The following KDM4B variants were observed in gnomAD, a reference collection of about 807,000 sequenced individuals.
KDM4B encodes lysine demethylase 4B.
In KDM4B, 32 loss-of-function variants were observed where a neutral mutation model predicts 125.2. The observed-to-expected ratio is 0.26, with a 90% confidence interval of 0.19 to 0.34. The LOEUF (loss-of-function observed/expected upper bound fraction) is 0.34, where lower values mean the gene tolerates loss of function less well. Ranked by LOEUF, KDM4B falls within the 10% of genes least tolerant of loss-of-function variation. The pLI is 1.00. For synonymous variants in KDM4B, 721 were observed against 677.9 expected (o/e 1.06, Z -0.99); for missense variants, 1,190 against 1,577.7 (o/e 0.75, Z 4.16).
At chr19:5,030,465 G>C (rs1453695820) in intron 2 of KDM4B, among the ~76,000 whole-genome samples, 5 of 152,208 alleles carry the variant, frequency 3.3e-5, no homozygotes, top group African/African-American at 1.2e-4. Flanking sequence ...AGCCTGCAGA[G>C]GGGGGTGGGC....
In KDM4B at chr19:5,017,627, T is replaced by G. The variant is rs147288619; in HGVS notation, c.-26+1288T>G. Among the ~76,000 whole-genome samples, 1,016 of 152,350 alleles carry G rather than the reference T, an allele frequency of 6.7e-3. 10 individuals carry two copies. The highest frequency in any genetic ancestry group is 0.023 in the African/African-American group (975 of 41,572). ...TTGCTTTTACCCTTCAAGTTTGTGC[T>G]TCCTTACAAGATGGTCAATTTTCTA... On this transcript the variant is annotated intron_variant, in intron 2 of 22. Transcript: ENST00000159111.
chr19:5,014,865 G>A (rs1201880489), intron 1 of KDM4B, among the ~76,000 whole-genome samples: 3 of 151,936 alleles, frequency 2.0e-5, no homozygotes, highest in African/African-American at 7.2e-5. Flanking sequence ...CATGGTGGCG[G>A]GCGCCTGTAG....
chr19:5,016,325 C>T lies in KDM4B; in HGVS notation c.-40C>T, dbSNP rs2035891002. The T allele has an allele frequency of 6.6e-6, 1 of 152,248 alleles. No homozygotes were observed. Among genetic ancestry groups the T allele is most frequent in the Non-Finnish European group, 1.5e-5 (1 of 68,048 alleles). The allele number at this position is 152,248 out of a possible 1,614,324, so 9.4% of individuals were successfully genotyped here. Reference sequence around the variant, plus strand: ...TTTTTGGAGCATCTCCACCCAGGAACCTCGCCATCCAGAAGTAAGTAACAC... The same window carrying T: ...TTTTTGGAGCATCTCCACCCAGGAATCTCGCCATCCAGAAGTAAGTAACAC... On this transcript the variant is annotated 5_prime_UTR_variant, in exon 2 of 23. Coordinates refer to ENST00000159111, the MANE Select transcript of KDM4B (RefSeq NM_015015.3).
intron 9 of KDM4B, among the ~76,000 whole-genome samples, chr19:5,095,407 G>C (rs1204380643): frequency 6.6e-6 from 1 of 152,250 alleles, no homozygotes; most frequent in African/African-American, 2.4e-5. Flanking sequence ...ATCTGTTCAG[G>C]CTTTTAAAAA....
rs919415883 is a variant in KDM4B, at chr19:5,104,681, A to G, written c.919-5941A>G. On this transcript the variant is annotated intron_variant, in intron 9 of 22. Transcript: ENST00000159111. ...GTCCCTCGGGAGCTTCCAAAATAGG[A>G]CTGCTTTTAGGTGGAGCGTATTGGA... 6.6e-5 allele frequency among the ~76,000 whole-genome samples: 10 copies of G among 152,164 alleles called. No individual in the cohort carries two copies. The South Asian group carries it at 2.1e-3, about 32-fold the overall frequency.
chr19:5,137,328 C>G lies in KDM4B; in HGVS notation c.2375C>G (p.Ala792Gly). ...ACGTGTTCCCGGTGCGCGGCCCACG[C>G]CTGGACTGCGGTAACTCGCTCCCCG... ...GWTCSRCAAH[A>G]WTAECCLCNL... Residue 792 changes from alanine (A) to glycine (G), a missense_variant, in exon 16 of 23, where the codon GCC becomes GGC. Around this residue, in one of 7 missense-constraint regions of KDM4B, gnomAD observed 298 missense variants for 439.7 expected, o/e 0.68. Transcript: ENST00000159111. The G allele has an allele frequency of 1.3e-6, 2 of 1,570,156 alleles. No homozygotes were observed. The highest frequency in any genetic ancestry group is 2.3e-5 in the East Asian group (1 of 42,702).
At chr19:5,040,284 C>T (rs1283703477) in intron 4 of KDM4B, among the ~76,000 whole-genome samples, 1 of 152,180 alleles carries the variant, frequency 6.6e-6, no homozygotes, top group African/African-American at 2.4e-5. Context: ...GGGAGCACGT[C>T]CTCCACACCC....
chr19:5,028,488 C>T (rs184188658), intron 2 of KDM4B, among the ~76,000 whole-genome samples: 24 of 152,338 alleles, frequency 1.6e-4, no homozygotes, highest in Admixed American at 1.6e-3. Flanking sequence ...TGTTGGTGGA[C>T]ACCTGGGTCG....
intron 13 of KDM4B, 72 bp from the exon 14 acceptor site, chr19:5,133,811 G>T: frequency 5.2e-6 from 8 of 1,529,100 alleles, no homozygotes; most frequent in Non-Finnish European, 7.2e-6. Context: ...CCCCTGGGCA[G>T]TTGGGGTGAT....
intron 5 of KDM4B, among the ~76,000 whole-genome samples, chr19:5,045,647 G>T (rs1448718624): frequency 4.6e-5 from 7 of 151,568 alleles, no homozygotes; most frequent in South Asian, 2.1e-4. Flanking sequence ...GCTAATTTTT[G>T]AATTTTTAGT....
rs577007331 is a variant in KDM4B at position 5,044,697 on chromosome 19, A to T, written c.433-2779A>T. On this transcript the variant is annotated intron_variant, in intron 5 of 22. Transcript: ENST00000159111. ...CGAGTAGCTGGGATTACAGTGTCAC[A>T]TGGAGTCATCCCACCACTCTAATGA... 2.0e-5 allele frequency among the ~76,000 whole-genome samples: 3 copies of T among 152,124 alleles called. No homozygotes were observed. In the East Asian group the frequency reaches 5.8e-4, roughly 29 times the overall value.
At chr19:5,034,604 A>C (rs987197597) in intron 3 of KDM4B, among the ~76,000 whole-genome samples, 1 of 152,236 alleles carries the variant, frequency 6.6e-6, no homozygotes, top group African/African-American at 2.4e-5. Flanking sequence ...ATTCGGCCCG[A>C]GGGCCGCAGT....
Position 5,015,795 on chromosome 19 carries a change from C to A in KDM4B, c.-108-462C>A, listed in dbSNP as rs183273824. 2.0e-3 allele frequency among the ~76,000 whole-genome samples: 300 copies of A among 152,380 alleles called. 2 individuals are homozygous for A. The highest frequency in any genetic ancestry group is 3.2e-3 in the Non-Finnish European group (218 of 68,038). ...TCTTTGTGTCCAGGACTAAGTTCAA[C>A]GCCTGGGCTGTGCCTTGGCCCCTGT... On this transcript the variant is annotated intron_variant, in intron 1 of 22. Transcript: ENST00000159111.
intron 2 of KDM4B, among the ~76,000 whole-genome samples, chr19:5,031,664 G>A (rs1210324523): frequency 2.0e-5 from 3 of 152,248 alleles, no homozygotes; most frequent in African/African-American, 4.8e-5. Flanking sequence ...GGCAGTAGGT[G>A]GAGGCCAGGG....
intron 6 of KDM4B, among the ~76,000 whole-genome samples, chr19:5,066,585 A>G (rs1479526933): frequency 6.6e-6 from 1 of 152,072 alleles, no homozygotes; most frequent in East Asian, 1.9e-4. Context: ...TTTCTCACCC[A>G]CGCTGCTTTG....
intron 11 of KDM4B, among the ~76,000 whole-genome samples, chr19:5,120,398 C>A (rs1363527587): frequency 6.6e-6 from 1 of 152,220 alleles, no homozygotes; most frequent in Non-Finnish European, 1.5e-5. Flanking sequence ...CAGCCACAGC[C>A]ACTTGTGGGC....
intron 5 of KDM4B, among the ~76,000 whole-genome samples, chr19:5,042,911 T>G (rs2036868410): frequency 6.7e-6 from 1 of 150,334 alleles, no homozygotes; most frequent in Non-Finnish European, 1.5e-5. Context: ...ACACGTAGCT[T>G]GAAGATAACT....
intron 7 of KDM4B, among the ~76,000 whole-genome samples, chr19:5,073,304 C>T (rs915716229): frequency 2.0e-5 from 3 of 152,244 alleles, no homozygotes; most frequent in African/African-American, 7.2e-5. Context: ...ACACCTCTGT[C>T]GTCCACACGG....
At chr19:5,042,650 G>A (rs935724476) in intron 5 of KDM4B, among the ~76,000 whole-genome samples, 8 of 151,778 alleles carry the variant, frequency 5.3e-5, no homozygotes, top group African/African-American at 1.9e-4. Context: ...TGAAGGAGGA[G>A]CTGATCCATC....
Sources: gnomAD v4.1 joint callset for allele counts (sites outside exome capture counted in the v4.1 genomes callset) on GRCh38, gnomAD v4.1.1 for gene constraint, gnomAD v4.1.1 regional missense constraint, MANE v1.5 for transcripts, NCBI Gene and HGNC (gene_info 2026-07-23, HGNC 2026-07-21) for gene names.